Variants in CCDC169 observed in about 807,000 individuals in gnomAD.
CCDC169 encodes the protein coiled-coil domain containing 169.
Under a neutral mutation model 36.0 loss-of-function variants are expected in CCDC169, and 30 were observed. The observed-to-expected ratio is 0.83, with a 90% CI of 0.62 to 1.13. The LOEUF (loss-of-function observed/expected upper bound fraction) is 1.13. Ranked by LOEUF, CCDC169 falls within the 50% of genes most tolerant of loss-of-function variation. CCDC169 has a pLI of 0.00. For missense variants in CCDC169, 245 were observed against 245.9 expected, an observed-to-expected ratio of 1.00 and a Z score of 0.03; for synonymous variants, 85 against 81.5, an observed-to-expected ratio of 1.04 and a Z score of -0.23.
At chr13:36,254,502 C>T (rs535316942) in intron 4 of CCDC169, among the ~76,000 whole-genome samples, 2 of 151,942 alleles carry the variant, frequency 1.3e-5, no homozygotes, top group South Asian at 4.2e-4. Flanking sequence ...GTCTCAAACT[C>T]CTGACCTCAG....
At chr13:36,227,325 C>T, downstream of CCDC169, 1 of 1,551,130 alleles carries the variant, frequency 6.4e-7, no homozygotes, top group Non-Finnish European at 8.7e-7. Context: ...AGCACTGAAA[C>T]CCAATGTCTC....
At chr13:36,292,412 T>TA (rs904786448) in intron 2 of CCDC169, among the ~76,000 whole-genome samples, 2 of 151,460 alleles carry the variant, frequency 1.3e-5, no homozygotes, top group African/African-American at 2.4e-5. Flanking sequence ...TCTTCTTGCT[T>TA]AAAAAAAAAG....
downstream of CCDC169, chr13:36,222,248 G>C (rs925485513): frequency 4.6e-5 from 7 of 152,256 alleles, no homozygotes; most frequent in Admixed American, 4.6e-4. Flanking sequence ...ACAGACCTCA[G>C]AGCAGGGTAG....
At position 36,283,579 on chromosome 13, in the gene CCDC169, A is replaced by G; in HGVS notation, c.274+13T>C. The G allele has an allele frequency of 1.9e-6, 3 of 1,551,206 alleles. No homozygotes were observed. Among genetic ancestry groups the G allele is most frequent in the Non-Finnish European group, 2.6e-6 (3 of 1,146,752 alleles). On this transcript the variant is annotated intron_variant, in intron 3 of 7. Transcript: ENST00000239859. ...ACTCAAATTATAAAATGTACATATG[A>G]TTGGTTTTGTACCTGAAGAGTTTCC...
chr13:36,257,754 G>A (rs1039552387), intron 4 of CCDC169, among the ~76,000 whole-genome samples: 6 of 151,286 alleles, frequency 4.0e-5, no homozygotes, highest in African/African-American at 1.2e-4. Flanking sequence ...TGAGCTCCTT[G>A]TAAAAGGGAC....
chr13:36,243,079 C>T (rs1872049455), intron 7 of CCDC169, among the ~76,000 whole-genome samples: 1 of 152,186 alleles, frequency 6.6e-6, no homozygotes, highest in East Asian at 1.9e-4. Context: ...GAAGAAAAGG[C>T]CCATACTTGA....
intron 7 of CCDC169, among the ~76,000 whole-genome samples, chr13:36,234,538 A>G (rs1049958966): frequency 6.6e-6 from 1 of 152,166 alleles, no homozygotes; most frequent in African/African-American, 2.4e-5. Context: ...TAATAAAACT[A>G]TCAAAAGCCA....
In CCDC169 at chr13:36,248,649, G is replaced by T; in HGVS notation, c.502C>A (p.Gln168Lys). The T allele has an allele frequency of 1.3e-6, 2 of 1,550,546 alleles. No individual in the cohort carries two copies. The highest frequency in any genetic ancestry group is 1.7e-6 in the Non-Finnish European group (2 of 1,146,306). ...SGLHQVSKRQ[Q>K]VDQLPRMQEN... is the part of the protein sequence containing the mutation. Reference sequence around the variant, plus strand: ...TGCATCCTAGGCAGTTGATCCACCTGTTGCCTTTTAGAAACTTGATGTAAA... The same window carrying T: ...TGCATCCTAGGCAGTTGATCCACCTTTTGCCTTTTAGAAACTTGATGTAAA... Residue 168 changes from glutamine (Q) to lysine (K), a missense_variant, in exon 7 of 8, where the codon CAG (glutamine) becomes AAG (lysine). Coordinates refer to ENST00000239859, the MANE Select transcript of CCDC169 (RefSeq NM_001144981.3).
chr13:36,258,319 G>A (rs1268208594), intron 4 of CCDC169, among the ~76,000 whole-genome samples: 1 of 152,158 alleles, frequency 6.6e-6, no homozygotes, highest in Non-Finnish European at 1.5e-5. Context: ...ATTTGAAACA[G>A]AGCAACTCCA....
rs1196974901 is a variant in CCDC169, at chr13:36,262,649, T to C, written c.316-8506A>G. On this transcript the variant is annotated intron_variant, in intron 4 of 7. Coordinates refer to ENST00000239859, the MANE Select transcript of CCDC169 (RefSeq NM_001144981.3). Reference sequence around the variant, plus strand: ...GTGGCTGGAGGGGTGAAGATTGGTATATACTGGATAGCCCAGCATAGCATC... The same window carrying C: ...GTGGCTGGAGGGGTGAAGATTGGTACATACTGGATAGCCCAGCATAGCATC... Among the ~76,000 whole-genome samples, 8 of 152,314 alleles carry C rather than the reference T, an allele frequency of 5.3e-5. 1 individual carries two copies. The South Asian group carries it at 1.7e-3, about 32-fold the overall frequency.
chr13:36,239,616 AT>A (rs1289704853), intron 7 of CCDC169, among the ~76,000 whole-genome samples: 1 of 152,112 alleles, frequency 6.6e-6, no homozygotes, highest in African/African-American at 2.4e-5. Context: ...TGAATTAGGG[AT>A]TTTTAAAAAT....
At chr13:36,267,865 A>G (rs1033450854) in intron 4 of CCDC169, among the ~76,000 whole-genome samples, 1 of 152,202 alleles carries the variant, frequency 6.6e-6, no homozygotes, top group Non-Finnish European at 1.5e-5. Context: ...AAAGATGGTC[A>G]CTATATAATG....
chr13:36,281,405 G>A, intron 4 of CCDC169: 2 of 320,230 alleles, frequency 6.2e-6, no homozygotes, highest in Non-Finnish European at 1.2e-5. Context: ...ACACTTAGAA[G>A]ATAATATAAC....
chr13:36,241,929 G>A (rs1218953876), intron 7 of CCDC169, among the ~76,000 whole-genome samples: 2 of 152,182 alleles, frequency 1.3e-5, no homozygotes, highest in East Asian at 3.9e-4. Flanking sequence ...TAGTGTCCTG[G>A]TGATAGTGGG....
chr13:36,247,955 T>G (rs59972045), intron 7 of CCDC169, among the ~76,000 whole-genome samples: 2,744 of 152,250 alleles, frequency 0.018, 74 homozygotes, highest in African/African-American at 0.063. Flanking sequence ...GTTGTTGCCC[T>G]ATTTTCAAAA....
chr13:36,288,881 A>T (rs948757391), intron 2 of CCDC169, among the ~76,000 whole-genome samples: 4 of 152,148 alleles, frequency 2.6e-5, no homozygotes, highest in East Asian at 1.9e-4. Context: ...GAAAGATTTT[A>T]TATAGTAAAT....
chr13:36,287,775 T>C (rs1429345709), intron 2 of CCDC169, among the ~76,000 whole-genome samples: 2 of 152,182 alleles, frequency 1.3e-5, no homozygotes, highest in African/African-American at 2.4e-5. Context: ...TCAGTGTGTA[T>C]ACAAAGGTGT....
At chr13:36,269,115 A>G (rs990717740) in intron 4 of CCDC169, among the ~76,000 whole-genome samples, 1 of 152,098 alleles carries the variant, frequency 6.6e-6, no homozygotes, top group African/African-American at 2.4e-5. Context: ...AATAAAAAAA[A>G]AAAAATCATT....
At chr13:36,254,891 T>TG (rs1873655520) in intron 4 of CCDC169, among the ~76,000 whole-genome samples, 1 of 152,122 alleles carries the variant, frequency 6.6e-6, no homozygotes, top group African/African-American at 2.4e-5. Context: ...AGCTGGTGCT[T>TG]TGGACCCAAG....
Sources: allele counts gnomAD v4.1 joint callset (sites outside exome capture counted in the v4.1 genomes callset), GRCh38; gene constraint gnomAD v4.1.1; transcripts MANE v1.5; gene names NCBI Gene and HGNC (gene_info 2026-07-23, HGNC 2026-07-21).